ABHD2: variants seen among roughly 807,000 people sequenced by gnomAD.
The protein encoded by ABHD2 is monoacylglycerol lipase ABHD2.
Under a neutral mutation model 48.1 loss-of-function variants are expected in ABHD2, and 20 were observed. The ratio of observed to expected loss-of-function variants is 0.42; its 90% CI spans 0.29 to 0.60. ABHD2 has a LOEUF of 0.60. ABHD2 is among the 20% of genes least tolerant of loss of function. ABHD2 has a pLI of 0.24. For synonymous variants in ABHD2, 209 were observed against 214.2 expected (o/e 0.98, Z 0.21); for missense variants, 405 against 550.9 (o/e 0.74, Z 2.65).
rs867523051 is a variant in ABHD2 at position 89,147,374 on chromosome 15, G to C, written c.195-4303G>C. ...TCTTTTTTTTTTTTTTTTTTTTTGA[G>C]ACAGAGTCTCGCTCTTTCGCCCAGG... is the stretch of plus-strand genomic sequence containing the variant. On this transcript the variant is annotated intron_variant, in intron 3 of 10. Transcript: ENST00000352732. Among the ~76,000 whole-genome samples the C allele has an allele frequency of 4.5e-3, 467 of 102,722 alleles. 3 individuals carry two copies. The highest frequency in any genetic ancestry group is 0.024 in the African/African-American group (446 of 18,744). 67.4% of individuals were successfully genotyped at this position (102,722 alleles called of 152,430 possible).
At chr15:89,129,997 G>A (rs1376600481) in intron 3 of ABHD2, among the ~76,000 whole-genome samples, 1 of 152,208 alleles carries the variant, frequency 6.6e-6, no homozygotes, top group African/African-American at 2.4e-5. Flanking sequence ...GGGTAAGTGG[G>A]TAAAAGATGT....
chr15:89,116,409 G>A lies in ABHD2; in HGVS notation c.82G>A (p.Val28Met). ...KLAAVAAVLY[V>M]IVRCLNLKSP... is the part of the protein sequence containing the mutation. ...GGCTGCAGTGGCTGCTGTGCTGTAC[G>A]TGATCGTCCGGTGTTTGAACCTGAA... Residue 28 changes from valine to methionine, a missense_variant, in exon 3 of 11, where the codon GTG (valine) becomes ATG (methionine). By Grantham distance (21) the Val-to-Met change is conservative (BLOSUM62 1). Transcript: ENST00000352732. This position sits in a 1 kb window ranked among gnomAD's most constrained non-coding sequence, Gnocchi z 4.6. The A allele has an allele frequency of 6.2e-7, 1 of 1,614,228 alleles. No homozygotes were observed. Among genetic ancestry groups the A allele is most frequent in the Non-Finnish European group, 8.5e-7 (1 of 1,180,034 alleles).
Position 89,166,324 on chromosome 15 carries a change from G to A in ABHD2, c.539-9488G>A, listed in dbSNP as rs2050837922. 2.6e-5 allele frequency among the ~76,000 whole-genome samples: 4 copies of A among 152,090 alleles called. No homozygotes were observed. The South Asian group carries it at 8.3e-4, about 32-fold the overall frequency. On this transcript the variant is annotated intron_variant, in intron 5 of 10. Coordinates refer to ENST00000352732, the MANE Select transcript of ABHD2 (RefSeq NM_152924.5). This position sits in a 1 kb window ranked among gnomAD's most constrained non-coding sequence, Gnocchi z 4.6. The stretch of plus-strand genomic sequence containing the variant: ...TATTTAAATTGCTTTTTTCCTGTGA[G>A]TTTAAACAGGGAAGAAGTGGGCCCT...
chr15:89,116,249 G>A lies in ABHD2; in HGVS notation c.-6-73G>A, dbSNP rs150049234. On this transcript the variant is annotated intron_variant, in intron 2 of 10. Transcript: ENST00000352732. This position sits in a 1 kb window ranked among gnomAD's most constrained non-coding sequence, Gnocchi z 4.6. ...CTGGCAGTATCTCTTAGCCCACCATGCGTCTGTAGGGTGGTGGGCACCACC... is the reference window on the plus strand; with the variant it reads ...CTGGCAGTATCTCTTAGCCCACCATACGTCTGTAGGGTGGTGGGCACCACC... 104 of 1,371,380 alleles carry A rather than the reference G, an allele frequency of 7.6e-5. No homozygotes were observed. The African/African-American group carries it at 1.3e-3, about 17-fold the overall frequency. 85.0% of individuals were successfully genotyped at this position (1,371,380 alleles called of 1,614,324 possible).
the ABHD2 span, among the ~76,000 whole-genome samples, chr15:89,079,830 C>T: frequency 2.0e-5 from 3 of 152,172 alleles, no homozygotes; most frequent in African/African-American, 7.2e-5. The surrounding 1 kb of genome is among the most constrained non-coding windows in gnomAD (Gnocchi z 4.3). Context: ...GTAGGTGAAG[C>T]CGAGAACACG....
intron 5 of ABHD2, among the ~76,000 whole-genome samples, chr15:89,163,893 G>A (rs1005372044): frequency 6.6e-6 from 1 of 152,188 alleles, no homozygotes; most frequent in Non-Finnish European, 1.5e-5. Flanking sequence ...TAATGAGTGG[G>A]CAGCCCAGGC....
At chr15:89,058,293 A>G in the ABHD2 span, among the ~76,000 whole-genome samples, 1 of 152,008 alleles carries the variant, frequency 6.6e-6, no homozygotes, top group Non-Finnish European at 1.5e-5. Context: ...TCACACATCC[A>G]AGCTTCCTCC....
At chr15:89,084,740 T>C (rs1901327289), upstream of ABHD2, among the ~76,000 whole-genome samples, 1 of 152,242 alleles carries the variant, frequency 6.6e-6, no homozygotes, top group Non-Finnish European at 1.5e-5. This position sits in a 1 kb window ranked among gnomAD's most constrained non-coding sequence, Gnocchi z 4.4. Flanking sequence ...ATAATAGCTG[T>C]GGCAAACATT....
rs1391167240 is a variant in ABHD2 at position 89,151,842 on chromosome 15, C to T, written c.360C>T (p.His120=). The T allele has an allele frequency of 1.9e-6, 3 of 1,613,916 alleles. No homozygotes were observed. The highest frequency in any genetic ancestry group is 2.5e-6 in the Non-Finnish European group (3 of 1,179,966). ...TFDLFEPLAE[H]CVGDDITMVI... is the part of the protein sequence containing the mutation. ...ACCTCTTCGAGCCCTTGGCTGAGCA[C>T]TGTGTTGGAGGTGAGCTGCTTTAGA... The change falls in exon 4 of 11, where the codon CAC becomes CAT. Residue 120 remains histidine (H), a synonymous_variant. Transcript: ENST00000352732. This position sits in a 1 kb window ranked among gnomAD's most constrained non-coding sequence, Gnocchi z 4.7.
chr15:89,052,358 C>T, the ABHD2 span, among the ~76,000 whole-genome samples: 3 of 152,122 alleles, frequency 2.0e-5, no homozygotes, highest in Non-Finnish European at 2.9e-5. Flanking sequence ...TTAGAGTATT[C>T]AGGAGAAAGT....
At chr15:89,093,131 TCCTGGCCTCCCCAAGTCACATTTC>T (rs1403822642) in intron 1 of ABHD2, among the ~76,000 whole-genome samples, 3 of 151,984 alleles carry the variant, frequency 2.0e-5, no homozygotes, top group East Asian at 3.9e-4. Flanking sequence ...CAGAGAAGCT[TCCTGGCCTCCCCAAGTCACATTTC>T]CAGCATCTTT....
At chr15:89,057,143 A>G in the ABHD2 span, among the ~76,000 whole-genome samples, 1 of 152,010 alleles carries the variant, frequency 6.6e-6, no homozygotes, top group Non-Finnish European at 1.5e-5. Context: ...TGAACTCCTG[A>G]CCTCAGGTGA....
At chr15:89,149,343 A>G (rs754626506) in intron 3 of ABHD2, among the ~76,000 whole-genome samples, 13 of 152,124 alleles carry the variant, frequency 8.5e-5, no homozygotes, top group Non-Finnish European at 1.6e-4. Context: ...CTGAATTCAC[A>G]TTATTATGGC....
At position 89,137,887 on chromosome 15, in the gene ABHD2, C is replaced by T. The variant is rs2050340303; in HGVS notation, c.195-13790C>T. Among the ~76,000 whole-genome samples, 1 of 152,218 alleles carries T rather than the reference C, an allele frequency of 6.6e-6. No homozygotes were observed. Among genetic ancestry groups the T allele is most frequent in the South Asian group, 2.1e-4 (1 of 4,836 alleles). ...CCTCAGCCTTACCTCCCCAGTAGGACTGGTGAGATGTGCACACAGGGTCTA... is the reference window on the plus strand; with the variant it reads ...CCTCAGCCTTACCTCCCCAGTAGGATTGGTGAGATGTGCACACAGGGTCTA... On this transcript the variant is annotated intron_variant, in intron 3 of 10. Coordinates refer to ENST00000352732, the MANE Select transcript of ABHD2 (RefSeq NM_152924.5). The surrounding 1 kb of genome is among the most constrained non-coding windows in gnomAD (Gnocchi z 4.8).
chr15:89,049,112 G>T, the ABHD2 span, among the ~76,000 whole-genome samples: 7 of 152,086 alleles, frequency 4.6e-5, no homozygotes, highest in African/African-American at 1.7e-4. Flanking sequence ...CAGACAGGAC[G>T]CTCAGCTGCA....
the ABHD2 span, among the ~76,000 whole-genome samples, chr15:89,054,109 G>A: frequency 1.3e-5 from 2 of 152,166 alleles, no homozygotes; most frequent in African/African-American, 4.8e-5. Context: ...GTCACCTGAG[G>A]TCAGGAGTTC....
intron 3 of ABHD2, among the ~76,000 whole-genome samples, chr15:89,139,568 T>G (rs1050648978): frequency 6.6e-6 from 1 of 152,082 alleles, no homozygotes; most frequent in East Asian, 1.9e-4. Context: ...AGAGCCAAAA[T>G]AAAATATAGG....
At chr15:89,079,210 C>G in the ABHD2 span, among the ~76,000 whole-genome samples, 80 of 152,356 alleles carry the variant, frequency 5.3e-4, no homozygotes, top group African/African-American at 1.9e-3. The surrounding 1 kb of genome is among the most constrained non-coding windows in gnomAD (Gnocchi z 4.3). Flanking sequence ...GACTGTTCCT[C>G]TACCCGCCCC....
At chr15:89,111,616 A>T (rs2049876400) in intron 1 of ABHD2, among the ~76,000 whole-genome samples, 2 of 152,182 alleles carry the variant, frequency 1.3e-5, no homozygotes, top group African/African-American at 4.8e-5. Flanking sequence ...AAAAGGGCAG[A>T]CAAAGGGTGA....
Sources: gnomAD v4.1 joint callset for allele counts (sites outside exome capture counted in the v4.1 genomes callset) on GRCh38, gnomAD v4.1.1 for gene constraint, Gnocchi (gnomAD v3.1) non-coding constraint, MANE v1.5 for transcripts, NCBI Gene and HGNC (gene_info 2026-07-23, HGNC 2026-07-21) for gene names.